Variants in SESN3 observed in about 807,000 individuals in gnomAD.
SESN3 encodes sestrin-3.
SESN3 carries 21 observed loss-of-function variants against 55.3 expected under a neutral mutation model. The observed-to-expected ratio is 0.38, with a 90% CI of 0.27 to 0.55. SESN3 has a LOEUF of 0.55. Among genes scored for constraint, SESN3 ranks in the 20% least tolerant of loss-of-function variants. SESN3 has a pLI of 0.76. For synonymous variants in SESN3, 181 were observed against 203.1 expected (o/e 0.89, Z 0.93); for missense variants, 408 against 604.3 (o/e 0.68, Z 3.41).
chr11:95,221,448 TG>T (rs1272268924), intron 1 of SESN3, among the ~76,000 whole-genome samples: 1 of 152,226 alleles, frequency 6.6e-6, no homozygotes, highest in Non-Finnish European at 1.5e-5. Flanking sequence ...TTTCTTCAAC[TG>T]ACTAGTTCCA....
chr11:95,184,496 G>A lies in SESN3; in HGVS notation c.861C>T (p.Ser287=). 6.2e-7 allele frequency: 1 copy of A among 1,613,480 alleles called. No homozygotes were observed. Among genetic ancestry groups the A allele is most frequent in the Middle Eastern group, 1.7e-4 (1 of 6,054 alleles). The change falls in exon 6 of 10, where the codon AGC becomes AGT. Residue 287 remains serine, a synonymous_variant. Transcript: ENST00000536441. ...CTTTCTTCTCCTTTTCAAAACGAGT[G>A]CTCATTTCTTCTTGAGACGCCTCTT... ...EDEEASQEEM[S]TRFEKEKKES... is the part of the protein sequence containing the mutation.
chr11:95,195,236 A>G (rs575196397), intron 1 of SESN3, among the ~76,000 whole-genome samples: 2 of 152,344 alleles, frequency 1.3e-5, no homozygotes, highest in South Asian at 4.1e-4. Flanking sequence ...TACAGTTAGC[A>G]ACTAAATTTA....
rs1859884110 is a variant in SESN3 at position 95,173,121 on chromosome 11, A to AAC, written c.*133_*134insGT. On this transcript the variant is annotated 3_prime_UTR_variant, in exon 10 of 10. Transcript: ENST00000536441. Reference sequence around the variant, plus strand: ...TGCACATTACAGCCGCAAAAAACAAAAAAAAAAAAACAAACGGCTAAACTT... The same window carrying AAC: ...TGCACATTACAGCCGCAAAAAACAAAACAAAAAAAAAACAAACGGCTAAACTT... 26 of 519,818 alleles carry AAC rather than the reference A, an allele frequency of 5.0e-5. No individual in the cohort carries two copies. The highest frequency in any genetic ancestry group is 6.5e-5 in the Non-Finnish European group (19 of 291,802). The allele number at this position is 519,818 out of a possible 1,614,324, so 32.2% of individuals were successfully genotyped here.
intron 1 of SESN3, among the ~76,000 whole-genome samples, chr11:95,221,824 C>G (rs1313875720): frequency 6.6e-6 from 1 of 152,150 alleles, no homozygotes; most frequent in Non-Finnish European, 1.5e-5. Context: ...AAGGGGCAGT[C>G]AATATACTGG....
chr11:95,173,432 A>G (rs1046895843), intron 9 of SESN3, 91 bp from the exon 10 acceptor site: 4 of 674,370 alleles, frequency 5.9e-6, no homozygotes, highest in Non-Finnish European at 1.1e-5. Context: ...ATGTGTATAT[A>G]AGCAATATAC....
At chr11:95,225,898 C>T (rs1382716493) in intron 1 of SESN3, among the ~76,000 whole-genome samples, 1 of 151,984 alleles carries the variant, frequency 6.6e-6, no homozygotes, top group African/African-American at 2.4e-5. Flanking sequence ...AACTAAATAC[C>T]AATTCCCCTT....
At chr11:95,203,020 G>T (rs745785115) in intron 1 of SESN3, among the ~76,000 whole-genome samples, 4 of 152,038 alleles carry the variant, frequency 2.6e-5, no homozygotes, top group Non-Finnish European at 4.4e-5. Flanking sequence ...TTACTCAGTC[G>T]ATGGTTGATA....
At chr11:95,226,000 G>T (rs1860941037) in intron 1 of SESN3, among the ~76,000 whole-genome samples, 1 of 147,554 alleles carries the variant, frequency 6.8e-6, no homozygotes. Context: ...AAGGGGCAGG[G>T]AATACAGACA....
chr11:95,230,758 G>T lies in SESN3; in HGVS notation c.78+25C>A. 6.3e-7 allele frequency: 1 copy of T among 1,589,406 alleles called. No homozygotes were observed. The highest frequency in any genetic ancestry group is 8.6e-7 in the Non-Finnish European group (1 of 1,164,980). The stretch of plus-strand genomic sequence containing the variant: ...GGCCGGCAGGAAGCGACCCTCGCCG[G>T]CAGGACCCCGGGCCGAACCCGTACC... On this transcript the variant is annotated intron_variant, in intron 1 of 9. Coordinates refer to ENST00000536441, the MANE Select transcript of SESN3 (RefSeq NM_144665.4). The surrounding 1 kb of genome is among the most constrained non-coding windows in gnomAD (Gnocchi z 4.6).
rs550024402 is a variant in SESN3, at chr11:95,174,553, G to A, written c.1392+945C>T. On this transcript the variant is annotated intron_variant, in intron 9 of 9. Transcript: ENST00000536441. ...GGCTGGAGTGCAGTGGAGTGATCTC[G>A]GCTCACTGCAACCTCTGCCTCCTGG... Among the ~76,000 whole-genome samples, 180 of 152,062 alleles carry A rather than the reference G, an allele frequency of 1.2e-3. 1 individual carries two copies. Among genetic ancestry groups the A allele is most frequent in the Admixed American group, 0.011 (162 of 15,264 alleles).
chr11:95,219,078 C>CTAGA (rs995429321), intron 1 of SESN3, among the ~76,000 whole-genome samples: 13 of 152,028 alleles, frequency 8.6e-5, no homozygotes, highest in Non-Finnish European at 1.5e-4. Flanking sequence ...ATATTACAAA[C>CTAGA]TAGAGCTTTA....
rs575601509 is a variant in SESN3, at chr11:95,185,584, C to G, written c.526-92G>C. 22 of 804,560 alleles carry G rather than the reference C, an allele frequency of 2.7e-5. No homozygotes were observed. The East Asian group carries it at 4.9e-4, about 18-fold the overall frequency. 49.8% of individuals were successfully genotyped at this position (804,560 alleles called of 1,614,324 possible). A position where few individuals can be genotyped will look rare whatever the true frequency, so the allele number is the denominator to read the frequency against. On this transcript the variant is annotated intron_variant, in intron 4 of 9. Coordinates refer to ENST00000536441, the MANE Select transcript of SESN3 (RefSeq NM_144665.4). ...AAATCTACCAATTTTCATATATCCA[C>G]TTAGAGTAATAAAACTTAAAACTCT...
chr11:95,190,823 GTTC>G (rs1008606212), intron 3 of SESN3, among the ~76,000 whole-genome samples: 30 of 152,024 alleles, frequency 2.0e-4, no homozygotes, highest in Admixed American at 5.9e-4. Flanking sequence ...TTATGTTCTT[GTTC>G]TTCTTTTTCT....
chr11:95,216,759 T>TAA (rs201859631), intron 1 of SESN3, among the ~76,000 whole-genome samples: 4 of 140,944 alleles, frequency 2.8e-5, no homozygotes, highest in East Asian at 2.0e-4. Flanking sequence ...GGAGGCAAGA[T>TAA]AAAAAAAAAA....
At chr11:95,228,585 T>C (rs1398433995) in intron 1 of SESN3, among the ~76,000 whole-genome samples, 3 of 152,184 alleles carry the variant, frequency 2.0e-5, no homozygotes, top group Admixed American at 6.5e-5. Context: ...ATTTTAAGAA[T>C]GATGAAACAT....
In SESN3 at chr11:95,168,294, T is replaced by A. The variant is rs1252540706; in HGVS notation, c.*4961A>T. On this transcript the variant is annotated 3_prime_UTR_variant, in exon 10 of 10. Transcript: ENST00000536441. ...AACTTTACATTCAAATAGCTTGGAC[T>A]AACAACAGTATTCATTCATAACCTA... is the stretch of plus-strand genomic sequence containing the variant. The A allele has an allele frequency of 6.6e-6, 1 of 152,200 alleles. No individual in the cohort carries two copies. The highest frequency in any genetic ancestry group is 2.4e-5 in the African/African-American group (1 of 41,452). 9.4% of individuals were successfully genotyped at this position (152,200 alleles called of 1,614,324 possible).
At chr11:95,197,204 A>G (rs1860377002) in intron 1 of SESN3, among the ~76,000 whole-genome samples, 1 of 152,140 alleles carries the variant, frequency 6.6e-6, no homozygotes, top group Non-Finnish European at 1.5e-5. Context: ...TGTACAGAGG[A>G]GGTCTAGGAC....
chr11:95,206,660 T>A (rs1054410573), intron 1 of SESN3, among the ~76,000 whole-genome samples: 26 of 152,326 alleles, frequency 1.7e-4, no homozygotes, highest in African/African-American at 5.3e-4. Flanking sequence ...GTTCTTTATC[T>A]TTCTTTTTTA....
At position 95,216,014 on chromosome 11, in the gene SESN3, C is replaced by T. The variant is rs549025091; in HGVS notation, c.78+14769G>A. 7.1e-3 allele frequency among the ~76,000 whole-genome samples: 1,047 copies of T among 147,870 alleles called. 5 individuals are homozygous for T. Among genetic ancestry groups the T allele is most frequent in the Admixed American group, 8.3e-3 (120 of 14,374 alleles). On this transcript the variant is annotated intron_variant, in intron 1 of 9. Transcript: ENST00000536441. ...TTGGGAGGCTGAGGCAGGAGAATGG[C>T]GTGAACTCGGGAGGCGGAGCTTGCA...
Sources: gnomAD v4.1 joint callset for allele counts (sites outside exome capture counted in the v4.1 genomes callset) on GRCh38, gnomAD v4.1.1 for gene constraint, Gnocchi (gnomAD v3.1) non-coding constraint, MANE v1.5 for transcripts, NCBI Gene and HGNC (gene_info 2026-07-23, HGNC 2026-07-21) for gene names.